CCDC141: variants seen among roughly 807,000 people sequenced by gnomAD.
CCDC141 encodes the protein coiled-coil domain-containing protein 141.
A neutral mutation model predicts 181.0 loss-of-function variants in CCDC141; 168 were observed. The observed-to-expected ratio is 0.93, with a 90% CI of 0.82 to 1.05. The LOEUF (loss-of-function observed/expected upper bound fraction) is 1.05, where lower values mean the gene tolerates loss of function less well. Among genes scored for constraint, CCDC141 ranks in the 50% least tolerant of loss-of-function variants. The pLI is 0.00. For missense variants in CCDC141, 1,902 were observed against 1,788.5 expected (o/e 1.06, Z -1.14); for synonymous variants, 666 against 642.3 (o/e 1.04, Z -0.56).
At chr2:178,857,496 T>C (rs1458657165) in intron 17 of CCDC141, among the ~76,000 whole-genome samples, 1 of 152,180 alleles carries the variant, frequency 6.6e-6, no homozygotes, top group Non-Finnish European at 1.5e-5. Context: ...CATATAGCTA[T>C]ACATAGGGGA....
intron 20 of CCDC141, 58 bp from the exon 21 acceptor site, chr2:178,850,219 G>A: frequency 2.3e-6 from 2 of 867,490 alleles, no homozygotes; most frequent in Non-Finnish European, 3.9e-6. Flanking sequence ...AAGAAGAAAA[G>A]TCCAGGTATA....
At chr2:178,989,062 G>A (rs957257148) in intron 2 of CCDC141, among the ~76,000 whole-genome samples, 2 of 152,266 alleles carry the variant, frequency 1.3e-5, no homozygotes, top group African/African-American at 4.8e-5. Flanking sequence ...GAAGAATTTT[G>A]TAAGTAAATT....
chr2:178,987,194 C>T (rs1017628392), intron 2 of CCDC141, among the ~76,000 whole-genome samples: 5 of 142,684 alleles, frequency 3.5e-5, no homozygotes, highest in Admixed American at 7.4e-5. Flanking sequence ...CTTTGACAAA[C>T]CTGACAAAAA....
At chr2:178,846,627 C>A (rs1270095611) in intron 21 of CCDC141, among the ~76,000 whole-genome samples, 1 of 152,160 alleles carries the variant, frequency 6.6e-6, no homozygotes, top group African/African-American at 2.4e-5. Context: ...CTTTGGTATG[C>A]AGCTGATATC....
intron 2 of CCDC141, among the ~76,000 whole-genome samples, chr2:178,986,152 C>A (rs1323426302): frequency 7.9e-5 from 12 of 152,148 alleles, no homozygotes; most frequent in African/African-American, 2.9e-4. Context: ...GGATGGAAGG[C>A]TGGTTCAATA....
chr2:179,024,968 A>C (rs2042792251), intron 2 of CCDC141, among the ~76,000 whole-genome samples: 1 of 152,068 alleles, frequency 6.6e-6, no homozygotes, highest in Admixed American at 6.6e-5. Flanking sequence ...TTGGGGCCTG[A>C]ATATATGAGT....
At chr2:179,002,320 G>C (rs1358793873) in intron 2 of CCDC141, 2 of 277,770 alleles carry the variant, frequency 7.2e-6, no homozygotes, top group African/African-American at 4.6e-5. Flanking sequence ...AGAAGAACTG[G>C]AGAAAGAAAG....
intron 2 of CCDC141, among the ~76,000 whole-genome samples, chr2:179,036,634 T>C (rs1009629970): frequency 6.6e-6 from 1 of 152,166 alleles, no homozygotes; most frequent in Non-Finnish European, 1.5e-5. Flanking sequence ...CTATTTTCAT[T>C]TTTTAGTGGA....
At chr2:178,947,956 T>G (rs1255929213) in intron 5 of CCDC141, among the ~76,000 whole-genome samples, 1 of 152,134 alleles carries the variant, frequency 6.6e-6, no homozygotes, top group Non-Finnish European at 1.5e-5. Flanking sequence ...ACCAAGCAGT[T>G]TGGGAAGCTG....
chr2:178,889,502 G>A lies in CCDC141; in HGVS notation c.1266-834C>T, dbSNP rs1376237558. ...ATACTGTATTAATAAAGATGAACAT[G>A]ATAACCCTTAAATTTAATTACCCAG... On this transcript the variant is annotated intron_variant, in intron 8 of 23. Coordinates refer to ENST00000443758, the MANE Select transcript of CCDC141 (RefSeq NM_173648.4). 2.6e-5 allele frequency among the ~76,000 whole-genome samples: 4 copies of A among 152,110 alleles called. No homozygotes were observed. In the East Asian group the frequency reaches 7.7e-4, roughly 29 times the overall value.
intron 20 of CCDC141, among the ~76,000 whole-genome samples, chr2:178,852,871 C>G (rs1175840434): frequency 6.6e-6 from 1 of 152,332 alleles, no homozygotes; most frequent in East Asian, 1.9e-4. Flanking sequence ...ATGACATTAT[C>G]TTTCCTAGTC....
Position 178,880,368 on chromosome 2 carries a change from C to A in CCDC141, c.1720-2225G>T, listed in dbSNP as rs1262080571. Among the ~76,000 whole-genome samples the A allele has an allele frequency of 2.6e-5, 4 of 152,094 alleles. No individual in the cohort carries two copies. The East Asian group carries it at 7.7e-4, about 29-fold the overall frequency. On this transcript the variant is annotated intron_variant, in intron 11 of 23. Transcript: ENST00000443758. ...TCAGGAGGTAATGTGATCAGATTTG[C>A]CTTAGAATGTCTTTTGTTTTGGCTG...
Position 178,837,390 on chromosome 2 carries a change from T to C in CCDC141, c.3829A>G (p.Asn1277Asp), listed in dbSNP as rs1684527445. 6.2e-7 allele frequency: 1 copy of C among 1,614,124 alleles called. No individual in the cohort carries two copies. Residue 1277 changes from asparagine to aspartate, a missense_variant, in exon 23 of 24, where the codon AAT (asparagine) becomes GAT (aspartate). Physicochemically the swap from Asn to Asp is conservative, Grantham distance 23. Transcript: ENST00000443758. Reference protein sequence around the residue: ...PPPVAFADACNDKRETFSSHF... With the variant: ...PPPVAFADACDDKRETFSSHF... ...CTTGAAAATGTTTCTCTCTTATCATTGCATGCATCCGCAAAGGCAACAGGT... is the reference window on the plus strand; with the variant it reads ...CTTGAAAATGTTTCTCTCTTATCATCGCATGCATCCGCAAAGGCAACAGGT...
intron 12 of CCDC141, chr2:178,873,085 G>A (rs568426804): frequency 2.0e-4 from 30 of 152,178 alleles, no homozygotes; most frequent in African/African-American, 6.5e-4. Context: ...TTCATTTGGC[G>A]AAACAATTCT....
At chr2:179,045,683 G>A (rs1037242000) in intron 2 of CCDC141, among the ~76,000 whole-genome samples, 1 of 151,820 alleles carries the variant, frequency 6.6e-6, no homozygotes, top group African/African-American at 2.4e-5. Flanking sequence ...GTTGTTTCCT[G>A]ACTTTTTAAT....
the CCDC141 span, among the ~76,000 whole-genome samples, chr2:178,822,001 C>A: frequency 6.6e-6 from 1 of 152,092 alleles, no homozygotes; most frequent in Admixed American, 6.5e-5. Context: ...AGACTTGGAA[C>A]CAGCCCAAAT....
At chr2:178,982,554 C>T (rs551597316) in intron 2 of CCDC141, among the ~76,000 whole-genome samples, 33 of 152,276 alleles carry the variant, frequency 2.2e-4, no homozygotes, top group East Asian at 5.8e-4. Flanking sequence ...TCTGAGGTAC[C>T]GGGTTCATCT....
At chr2:178,879,172 A>C (rs1329264396) in intron 11 of CCDC141, among the ~76,000 whole-genome samples, 1 of 152,192 alleles carries the variant, frequency 6.6e-6, no homozygotes, top group East Asian at 1.9e-4. Context: ...CTGTAGACCT[A>C]CAGATTAATA....
chr2:178,881,801 G>A (rs1686620761), intron 11 of CCDC141, among the ~76,000 whole-genome samples: 1 of 151,900 alleles, frequency 6.6e-6, no homozygotes, highest in Admixed American at 6.6e-5. Flanking sequence ...GGCCGAGGTG[G>A]GAGGATCACC....
Sources: gnomAD v4.1 joint callset for allele counts (sites outside exome capture counted in the v4.1 genomes callset) on GRCh38, gnomAD v4.1.1 for gene constraint, MANE v1.5 for transcripts, NCBI Gene and HGNC (gene_info 2026-07-23, HGNC 2026-07-21) for gene names.